The following NTN1 variants were observed in gnomAD, a reference collection of about 807,000 sequenced individuals.
NTN1 encodes the protein netrin 1.
Under a neutral mutation model 54.2 loss-of-function variants are expected in NTN1, and 11 were observed. That is an observed-to-expected ratio of 0.20 (90% CI 0.13 to 0.34). The LOEUF is 0.34. Ranked by LOEUF, NTN1 falls within the 10% of genes least tolerant of loss-of-function variation. NTN1 has a pLI of 1.00. For missense variants in NTN1, 740 were observed against 893.1 expected, an observed-to-expected ratio of 0.83 and a Z score of 2.18; for synonymous variants, 371 against 382.0, an observed-to-expected ratio of 0.97 and a Z score of 0.33.
At chr17:9,198,119 T>C (rs1327425778) in intron 5 of NTN1, among the ~76,000 whole-genome samples, 1 of 151,802 alleles carries the variant, frequency 6.6e-6, no homozygotes, top group Non-Finnish European at 1.5e-5. Flanking sequence ...CTTGTGTGGG[T>C]GATTTATTGA....
upstream of NTN1, among the ~76,000 whole-genome samples, chr17:9,020,168 A>G (rs577183881): frequency 3.5e-4 from 53 of 152,360 alleles, no homozygotes; most frequent in African/African-American, 8.9e-4. Flanking sequence ...GAAAATGCCA[A>G]TAAGACAAAC....
rs909569446 is a variant in NTN1, at chr17:9,202,121, G to A, written c.1412-19047G>A. The stretch of plus-strand genomic sequence containing the variant: ...CCAGGTATGGTGGTACGCACCTGTA[G>A]TCCCAGCTACTCAGGAGGCTGAGGC... On this transcript the variant is annotated intron_variant, in intron 5 of 6. Transcript: ENST00000173229. 7.1e-5 allele frequency among the ~76,000 whole-genome samples: 10 copies of A among 140,882 alleles called. No individual in the cohort carries two copies. In the East Asian group the frequency reaches 1.1e-3, roughly 15 times the overall value. The allele number at this position is 140,882 out of a possible 152,430, so 92.4% of individuals were successfully genotyped here.
intron 3 of NTN1, among the ~76,000 whole-genome samples, chr17:9,169,849 G>A (rs1481384673): frequency 6.6e-6 from 1 of 152,152 alleles, no homozygotes; most frequent in Admixed American, 6.6e-5. Flanking sequence ...TGGGTGACAG[G>A]GCGAGACTCC....
At chr17:9,220,075 T>A (rs970816818) in intron 5 of NTN1, among the ~76,000 whole-genome samples, 1 of 152,246 alleles carries the variant, frequency 6.6e-6, no homozygotes, top group Non-Finnish European at 1.5e-5. Context: ...TCCCTGGCTC[T>A]GAGCTCACCT....
At chr17:9,037,570 T>C (rs976323326) in intron 2 of NTN1, among the ~76,000 whole-genome samples, 5 of 152,192 alleles carry the variant, frequency 3.3e-5, no homozygotes, top group Non-Finnish European at 7.3e-5. Context: ...AAAATTATTA[T>C]ATCAAATGAG....
chr17:9,229,005 TGTAA>T (rs1182307004), intron 6 of NTN1, among the ~76,000 whole-genome samples: 13 of 127,100 alleles, frequency 1.0e-4, no homozygotes, highest in African/African-American at 2.9e-4. Context: ...ATTCTGTGAC[TGTAA>T]GTGTGACTGT....
chr17:9,005,783 G>C, the NTN1 span, among the ~76,000 whole-genome samples: 24 of 152,290 alleles, frequency 1.6e-4, no homozygotes, highest in African/African-American at 5.8e-4. Context: ...GGAGCGGCAG[G>C]GGGTGAACTG....
intron 2 of NTN1, among the ~76,000 whole-genome samples, chr17:9,153,106 T>TA (rs1256048403): frequency 6.6e-6 from 1 of 152,024 alleles, no homozygotes; most frequent in African/African-American, 2.4e-5. Flanking sequence ...CTGTCTTTAC[T>TA]AAAAATACAA....
intron 6 of NTN1, among the ~76,000 whole-genome samples, chr17:9,237,936 T>C (rs967492290): frequency 9.2e-5 from 14 of 152,256 alleles, no homozygotes; most frequent in African/African-American, 2.9e-4. Context: ...TTTGGAGCCC[T>C]CAGACTGGAG....
chr17:9,204,262 C>T (rs1904901346), intron 5 of NTN1, among the ~76,000 whole-genome samples: 1 of 145,000 alleles, frequency 6.9e-6, no homozygotes, highest in Admixed American at 6.9e-5. Flanking sequence ...CTCTCTCTCT[C>T]TCCTTCTCTC....
At chr17:9,112,148 C>T (rs1023677844) in intron 2 of NTN1, among the ~76,000 whole-genome samples, 12 of 152,214 alleles carry the variant, frequency 7.9e-5, no homozygotes, top group South Asian at 4.1e-4. Context: ...TATGAAGCTG[C>T]GCCTGTGGCT....
intron 2 of NTN1, among the ~76,000 whole-genome samples, chr17:9,090,648 G>A (rs1430886436): frequency 6.6e-6 from 1 of 152,058 alleles, no homozygotes; most frequent in African/African-American, 2.4e-5. Context: ...GCTAAGGCTG[G>A]CTTCCCGCTG....
Position 9,135,810 on chromosome 17 carries a change from T to C in NTN1, c.1019-27003T>C, listed in dbSNP as rs1290084141. ...ATTCCAGGGCATTGGAAGGGGCATT[T>C]AGGAGACCAGGGTTCTAGCCCTGAG... On this transcript the variant is annotated intron_variant, in intron 2 of 6. Transcript: ENST00000173229. The surrounding 1 kb of genome is among the most constrained non-coding windows in gnomAD (Gnocchi z 4.4). Among the ~76,000 whole-genome samples the C allele has an allele frequency of 1.3e-5, 2 of 152,170 alleles. No homozygotes were observed. The highest frequency in any genetic ancestry group is 2.9e-5 in the Non-Finnish European group (2 of 68,014).
intron 5 of NTN1, among the ~76,000 whole-genome samples, chr17:9,207,879 CA>C (rs2142343575): frequency 1.3e-5 from 2 of 152,346 alleles, no homozygotes; most frequent in African/African-American, 4.8e-5. Flanking sequence ...TGGTGCCACT[CA>C]AACCCTCTCC....
At chr17:9,140,996 C>CTG (rs2092296008) in intron 2 of NTN1, among the ~76,000 whole-genome samples, 1 of 151,978 alleles carries the variant, frequency 6.6e-6, no homozygotes, top group South Asian at 2.1e-4. Context: ...CCAGCTTGCA[C>CTG]GTGTGGGTAG....
At position 9,210,430 on chromosome 17, in the gene NTN1, A is replaced by C. The variant is rs570615181; in HGVS notation, c.1412-10738A>C. Among the ~76,000 whole-genome samples the C allele has an allele frequency of 1.0e-3, 82 of 79,416 alleles. No homozygotes were observed. In the East Asian group the frequency reaches 0.012, roughly 11 times the overall value. 52.1% of individuals were successfully genotyped at this position (79,416 alleles called of 152,430 possible). ...CAGGCACATGTGCGTGCACACACACACACACCCCCACACCCACACACACAC... is the reference window on the plus strand; with the variant it reads ...CAGGCACATGTGCGTGCACACACACCCACACCCCCACACCCACACACACAC... On this transcript the variant is annotated intron_variant, in intron 5 of 6. Transcript: ENST00000173229.
At chr17:9,085,437 A>T (rs911663409) in intron 2 of NTN1, among the ~76,000 whole-genome samples, 1 of 152,218 alleles carries the variant, frequency 6.6e-6, no homozygotes, top group Non-Finnish European at 1.5e-5. Context: ...CTCAGACTTC[A>T]TCATGTGGCC....
At chr17:9,023,913 G>A (rs1290905299) in intron 2 of NTN1, among the ~76,000 whole-genome samples, 1 of 152,190 alleles carries the variant, frequency 6.6e-6, no homozygotes, top group African/African-American at 2.4e-5. Context: ...CCCTCCATTT[G>A]TCTTTTCATG....
At chr17:9,096,489 G>A (rs150582328) in intron 2 of NTN1, among the ~76,000 whole-genome samples, 4,441 of 149,006 alleles carry the variant, frequency 0.03, 228 homozygotes, top group African/African-American at 0.1. Flanking sequence ...TCCTGCCTCA[G>A]CCTCCCGAGT....
Sources: allele counts gnomAD v4.1 joint callset (sites outside exome capture counted in the v4.1 genomes callset), GRCh38; gene constraint gnomAD v4.1.1; non-coding constraint Gnocchi (gnomAD v3.1); transcripts MANE v1.5; gene names NCBI Gene and HGNC (gene_info 2026-07-23, HGNC 2026-07-21).